RALGPS2: variants seen among roughly 807,000 people sequenced by gnomAD.
RALGPS2 encodes the protein Ral GEF with PH domain and SH3 binding motif 2.
Under a neutral mutation model 86.8 loss-of-function variants are expected in RALGPS2, and 43 were observed. The ratio of observed to expected loss-of-function variants is 0.50; its 90% confidence interval spans 0.39 to 0.64. The LOEUF is 0.64. Ranked by LOEUF, RALGPS2 falls within the 30% of genes least tolerant of loss-of-function variation. The probability of loss-of-function intolerance (pLI) is 0.00; values close to 1 mark genes in which losing one functional copy is unlikely to be tolerated. For synonymous variants in RALGPS2, 243 were observed against 231.3 expected, an observed-to-expected ratio of 1.05 and a Z score of -0.46; for missense variants, 536 against 694.6, an observed-to-expected ratio of 0.77 and a Z score of 2.57.
intron 8 of RALGPS2, among the ~76,000 whole-genome samples, chr1:178,857,594 A>T (rs1232810971): frequency 6.6e-6 from 1 of 152,216 alleles, no homozygotes; most frequent in Non-Finnish European, 1.5e-5. Context: ...TATTATAGTT[A>T]ATGCACACAT....
chr1:178,755,940 G>A (rs115404163), intron 1 of RALGPS2, among the ~76,000 whole-genome samples: 4,617 of 152,292 alleles, frequency 0.03, 229 homozygotes, highest in African/African-American at 0.1. Context: ...AATGATTAGC[G>A]ATGTTGAACA....
intron 7 of RALGPS2, among the ~76,000 whole-genome samples, chr1:178,831,172 A>T (rs1655999906): frequency 6.6e-6 from 1 of 152,208 alleles, no homozygotes; most frequent in Admixed American, 6.5e-5. Context: ...TCTTAAAGGC[A>T]GTCAAGGCAA....
intron 4 of RALGPS2, among the ~76,000 whole-genome samples, chr1:178,795,468 A>G (rs1654146463): frequency 1.3e-5 from 2 of 152,062 alleles, no homozygotes; most frequent in South Asian, 4.1e-4. Context: ...GCTAGAGTGC[A>G]GTGGTGCGAT....
intron 2 of RALGPS2, among the ~76,000 whole-genome samples, chr1:178,782,973 GGC>G (rs538392458): frequency 5.0e-4 from 76 of 152,136 alleles, no homozygotes; most frequent in Non-Finnish European, 9.3e-4. Context: ...CATGCTAAAA[GGC>G]AAGGAAAAAA....
At chr1:178,906,343 C>T (rs1343836435) in intron 18 of RALGPS2, among the ~76,000 whole-genome samples, 1 of 151,816 alleles carries the variant, frequency 6.6e-6, no homozygotes, top group Non-Finnish European at 1.5e-5. Flanking sequence ...CCACTGCACT[C>T]CAGCCTGGGC....
chr1:178,879,860 A>G (rs1468573542), intron 10 of RALGPS2: 1 of 151,006 alleles, frequency 6.6e-6, no homozygotes, highest in African/African-American at 2.4e-5. Flanking sequence ...TTATCTCCTT[A>G]TATCCACAGT....
At chr1:178,798,039 A>G (rs1654287967) in intron 4 of RALGPS2, among the ~76,000 whole-genome samples, 1 of 151,852 alleles carries the variant, frequency 6.6e-6, no homozygotes, top group Admixed American at 6.6e-5. Flanking sequence ...AAAAATTAAG[A>G]AAAAGGGATG....
intron 2 of RALGPS2, among the ~76,000 whole-genome samples, chr1:178,780,176 A>T (rs1234945822): frequency 1.3e-5 from 2 of 152,154 alleles, no homozygotes; most frequent in Non-Finnish European, 2.9e-5. Context: ...GCTGGTTAGA[A>T]ACAAGTCACA....
chr1:178,880,950 C>G (rs1461390034), intron 10 of RALGPS2, among the ~76,000 whole-genome samples: 1 of 152,166 alleles, frequency 6.6e-6, no homozygotes, highest in Non-Finnish European at 1.5e-5. Flanking sequence ...TGTAGGAAAG[C>G]TAATGCTATT....
intron 1 of RALGPS2, chr1:178,747,705 C>A (rs1320853329): frequency 7.9e-6 from 11 of 1,389,902 alleles, no homozygotes; most frequent in Non-Finnish European, 1.1e-5. Context: ...CAGCTGCCAG[C>A]GATGCTGAGC....
At chr1:178,771,254 A>G (rs1020188090) in intron 1 of RALGPS2, among the ~76,000 whole-genome samples, 5 of 152,246 alleles carry the variant, frequency 3.3e-5, no homozygotes, top group South Asian at 2.1e-4. Flanking sequence ...AGCATTTACT[A>G]CCATCCAGTA....
chr1:178,784,656 T>TA (rs1653559826), intron 3 of RALGPS2, 134 bp downstream of exon 3: 2 of 605,930 alleles, frequency 3.3e-6, no homozygotes, highest in South Asian at 7.1e-5. Context: ...GGGAAAATAG[T>TA]ACAGCTGTGG....
chr1:178,897,684 T>C lies in RALGPS2; in HGVS notation c.1452T>C (p.Tyr484=), dbSNP rs772414915. Residue 484 remains tyrosine (Y), a synonymous_variant, in exon 17 of 20, where the codon TAT becomes TAC. Coordinates refer to ENST00000367635, the MANE Select transcript of RALGPS2 (RefSeq NM_152663.5). The stretch of plus-strand genomic sequence containing the variant: ...TCCAGGTAGCATCTTGGACAAAATA[T>C]TGGGCAGCTTTGTGTGGGACACAGC... ...KKPTVASWTK[Y]WAALCGTQLF... 1.9e-6 allele frequency: 3 copies of C among 1,612,300 alleles called. No homozygotes were observed. The highest frequency in any genetic ancestry group is 1.7e-4 in the Middle Eastern group (1 of 6,058).
chr1:178,779,364 T>C (rs1653266973), intron 2 of RALGPS2, among the ~76,000 whole-genome samples: 1 of 152,206 alleles, frequency 6.6e-6, no homozygotes, highest in South Asian at 2.1e-4. Flanking sequence ...TATTTTTCTC[T>C]TAGTATATTG....
chr1:178,866,219 A>G (rs1658400321), intron 8 of RALGPS2, among the ~76,000 whole-genome samples: 1 of 152,178 alleles, frequency 6.6e-6, no homozygotes, highest in Non-Finnish European at 1.5e-5. Flanking sequence ...CATTAATTAA[A>G]ACATTCTTGC....
At chr1:178,888,052 G>T (rs75679674) in intron 13 of RALGPS2, among the ~76,000 whole-genome samples, 5,999 of 151,998 alleles carry the variant, frequency 0.039, 169 homozygotes, top group Middle Eastern at 0.12. Flanking sequence ...TGTCCTTTTG[G>T]CTACCAAAAG....
At chr1:178,880,484 A>G (rs772887632) in intron 10 of RALGPS2, among the ~76,000 whole-genome samples, 10 of 152,330 alleles carry the variant, frequency 6.6e-5, no homozygotes, top group Middle Eastern at 3.4e-3. Flanking sequence ...GAAGTCAATG[A>G]AGAAGCTTTT....
At chr1:178,840,380 A>G (rs1279028888) in intron 8 of RALGPS2, among the ~76,000 whole-genome samples, 1 of 152,222 alleles carries the variant, frequency 6.6e-6, no homozygotes, top group Non-Finnish European at 1.5e-5. Context: ...TGGAAACTGA[A>G]CAACCTGCTC....
At chr1:178,730,007 T>C (rs1650244928) in intron 1 of RALGPS2, among the ~76,000 whole-genome samples, 1 of 152,246 alleles carries the variant, frequency 6.6e-6, no homozygotes, top group African/African-American at 2.4e-5. Context: ...AGTGGTGCGA[T>C]CTTGGCTCAT....
Sources: allele counts gnomAD v4.1 joint callset (sites outside exome capture counted in the v4.1 genomes callset), GRCh38; gene constraint gnomAD v4.1.1; transcripts MANE v1.5; gene names NCBI Gene and HGNC (gene_info 2026-07-23, HGNC 2026-07-21).